The following SCCPDH variants were observed in gnomAD, a reference collection of about 807,000 sequenced individuals.
SCCPDH encodes the protein saccharopine dehydrogenase (putative), also known as saccharopine dehydrogenase-like oxidoreductase.
SCCPDH carries 34 observed loss-of-function variants against 51.5 expected under a neutral mutation model. That is an observed-to-expected ratio of 0.66 (90% CI 0.50 to 0.88). The LOEUF is 0.88. SCCPDH is among the 40% of genes least tolerant of loss of function. The pLI is 0.00. For missense variants in SCCPDH, 464 were observed against 527.1 expected, an observed-to-expected ratio of 0.88 and a Z score of 1.17; for synonymous variants, 187 against 191.3, an observed-to-expected ratio of 0.98 and a Z score of 0.19.
chr1:246,730,026 A>G (rs1668468924), intron 2 of SCCPDH, among the ~76,000 whole-genome samples: 1 of 152,026 alleles, frequency 6.6e-6, no homozygotes, highest in Non-Finnish European at 1.5e-5. Context: ...TAAATATGTG[A>G]TATCTCCCAT....
intron 4 of SCCPDH, among the ~76,000 whole-genome samples, chr1:246,740,700 G>A (rs1235310927): frequency 6.6e-6 from 1 of 152,192 alleles, no homozygotes; most frequent in Non-Finnish European, 1.5e-5. Context: ...CAGAATTGGA[G>A]ACACTTATTT....
chr1:246,742,558 C>G (rs929275099), intron 4 of SCCPDH, among the ~76,000 whole-genome samples: 1 of 152,158 alleles, frequency 6.6e-6, no homozygotes, highest in East Asian at 1.9e-4. Context: ...CCATCAGAAT[C>G]GCTCTAGTGA....
At chr1:246,757,664 A>G (rs1668952154) in intron 5 of SCCPDH, among the ~76,000 whole-genome samples, 1 of 152,236 alleles carries the variant, frequency 6.6e-6, no homozygotes, top group South Asian at 2.1e-4. Context: ...AAATGTTTTA[A>G]ACAATTATTT....
Position 246,725,095 on chromosome 1 carries a change from A to T in SCCPDH, c.190+483A>T, listed in dbSNP as rs75321387. Among the ~76,000 whole-genome samples the T allele has an allele frequency of 6.6e-5, 10 of 152,232 alleles. No individual in the cohort carries two copies. In the East Asian group the frequency reaches 1.9e-3, roughly 29 times the overall value. ...GAGCAAGCTTACGAGTTGTACTGAC[A>T]GTGTCTTTGTGGCTATTCTGTTTTA... On this transcript the variant is annotated intron_variant, in intron 1 of 11. Coordinates refer to ENST00000366510, the MANE Select transcript of SCCPDH (RefSeq NM_016002.3).
intron 5 of SCCPDH, among the ~76,000 whole-genome samples, chr1:246,751,310 AAAG>A (rs1668848329): frequency 6.6e-6 from 1 of 152,212 alleles, no homozygotes; most frequent in African/African-American, 2.4e-5. Context: ...AATTTTTGTT[AAAG>A]AACAGGTTAG....
intron 9 of SCCPDH, among the ~76,000 whole-genome samples, chr1:246,761,381 T>G (rs1669011147): frequency 6.6e-6 from 1 of 152,226 alleles, no homozygotes; most frequent in Non-Finnish European, 1.5e-5. Context: ...GGCCTCTTTT[T>G]TCTTCTTATT....
chr1:246,736,963 A>G (rs903134561), intron 3 of SCCPDH, among the ~76,000 whole-genome samples: 3 of 152,140 alleles, frequency 2.0e-5, no homozygotes, highest in Non-Finnish European at 2.9e-5. Context: ...GCACCTAGTA[A>G]TGCACCTAGT....
At chr1:246,730,151 A>C (rs1668470819) in intron 2 of SCCPDH, among the ~76,000 whole-genome samples, 1 of 151,670 alleles carries the variant, frequency 6.6e-6, no homozygotes, top group South Asian at 2.1e-4. Flanking sequence ...CTGCTTCTTC[A>C]CCTCCTACTC....
At chr1:246,727,918 G>A (rs138533604) in intron 2 of SCCPDH, among the ~76,000 whole-genome samples, 10 of 152,276 alleles carry the variant, frequency 6.6e-5, no homozygotes, top group Non-Finnish European at 1.3e-4. Context: ...ACCAAGAGGC[G>A]TTGAATGGTT....
In SCCPDH at chr1:246,741,400, A is replaced by G. The variant is rs149066816; in HGVS notation, c.514+1099A>G. On this transcript the variant is annotated intron_variant, in intron 4 of 11. Transcript: ENST00000366510. ...CCGTAACGAATGCCTGGGCTCAGGC[A>G]GTGCTCCCTCCACAACCTCCTAAGT... Among the ~76,000 whole-genome samples, 445 of 152,294 alleles carry G rather than the reference A, an allele frequency of 2.9e-3. 1 individual carries two copies. Among genetic ancestry groups the G allele is most frequent in the African/African-American group, 0.01 (419 of 41,564 alleles).
chr1:246,750,943 T>C (rs1336406692), intron 5 of SCCPDH, among the ~76,000 whole-genome samples: 1 of 152,218 alleles, frequency 6.6e-6, no homozygotes, highest in Non-Finnish European at 1.5e-5. Flanking sequence ...GGGTATAAAT[T>C]CCTGTGCACC....
intron 2 of SCCPDH, among the ~76,000 whole-genome samples, chr1:246,729,217 C>T (rs548506469): frequency 3.9e-5 from 6 of 152,324 alleles, no homozygotes; most frequent in South Asian, 2.1e-4. Context: ...CCGCTGGGCA[C>T]GCACTGTCAT....
At position 246,724,545 on chromosome 1, in the gene SCCPDH, C is replaced by T. The variant is rs1305013608; in HGVS notation, c.123C>T (p.Pro41=). 27 of 1,549,320 alleles carry T rather than the reference C, an allele frequency of 1.7e-5. No homozygotes were observed. The highest frequency in any genetic ancestry group is 2.1e-5 in the Non-Finnish European group (24 of 1,150,388). The part of the protein sequence containing the change: ...QVDPERSSRL[P]WAVAGRSREK... ...ACCCGGAGCGGAGCTCCCGCCTGCC[C>T]TGGGCCGTGGCGGGCCGCTCCCGGG... The change falls in exon 1 of 12, where the codon CCC becomes CCT. Residue 41 remains proline (P), a synonymous_variant. Coordinates refer to ENST00000366510, the MANE Select transcript of SCCPDH (RefSeq NM_016002.3).
chr1:246,752,888 C>A (rs1255417247), intron 5 of SCCPDH, among the ~76,000 whole-genome samples: 3 of 152,168 alleles, frequency 2.0e-5, no homozygotes, highest in Non-Finnish European at 4.4e-5. Context: ...CCATTTGGGA[C>A]ATTGTCTTTT....
chr1:246,736,154 C>T (rs1476400786), intron 3 of SCCPDH, 99 bp downstream of exon 3: 11 of 731,884 alleles, frequency 1.5e-5, no homozygotes, highest in East Asian at 2.7e-5. Context: ...ATTTAGAAGC[C>T]GACAACTCCT....
intron 5 of SCCPDH, among the ~76,000 whole-genome samples, chr1:246,751,659 G>A (rs747110249): frequency 3.2e-4 from 48 of 152,000 alleles, no homozygotes; most frequent in Non-Finnish European, 6.0e-4. Context: ...TTTCACAGAC[G>A]ACCTTTGACA....
chr1:246,727,797 G>A (rs1426908305), intron 2 of SCCPDH, among the ~76,000 whole-genome samples: 2 of 152,202 alleles, frequency 1.3e-5, no homozygotes, highest in Non-Finnish European at 2.9e-5. Flanking sequence ...AGAGGCCAGT[G>A]TGGCTGGGCA....
chr1:246,739,021 GTGTT>G (rs964228218), intron 3 of SCCPDH, among the ~76,000 whole-genome samples: 17 of 152,110 alleles, frequency 1.1e-4, no homozygotes, highest in South Asian at 1.0e-3. Context: ...GTGACTTAAT[GTGTT>G]TGTGTGTGCA....
chr1:246,752,113 A>C (rs887484914), intron 5 of SCCPDH, among the ~76,000 whole-genome samples: 1 of 151,924 alleles, frequency 6.6e-6, no homozygotes, highest in African/African-American at 2.4e-5. Flanking sequence ...AAAGATGATA[A>C]CCATTCTTTT....
Sources: allele counts gnomAD v4.1 joint callset (sites outside exome capture counted in the v4.1 genomes callset), GRCh38; gene constraint gnomAD v4.1.1; transcripts MANE v1.5; gene names NCBI Gene and HGNC (gene_info 2026-07-23, HGNC 2026-07-21).